ANKLE2: variants seen among roughly 807,000 people sequenced by gnomAD.
ANKLE2 encodes the protein ankyrin repeat and LEM domain-containing protein 2.
Under a neutral mutation model 84.2 loss-of-function variants are expected in ANKLE2, and 55 were observed. The ratio of observed to expected loss-of-function variants is 0.65; its 90% CI spans 0.53 to 0.82. The LOEUF (loss-of-function observed/expected upper bound fraction) is 0.82. Among genes scored for constraint, ANKLE2 ranks in the 40% least tolerant of loss-of-function variants. ANKLE2 has a pLI of 0.00. For synonymous variants in ANKLE2, 551 were observed against 486.1 expected (o/e 1.13, Z -1.76); for missense variants, 1,238 against 1,201.9 (o/e 1.03, Z -0.44).
intron 1 of ANKLE2, chr12:132,760,095 C>T (rs1593190711): frequency 6.9e-6 from 1 of 144,152 alleles, no homozygotes; most frequent in Admixed American, 7.1e-5. Context: ...GATCGCGCCA[C>T]TGCACTCCAG....
chr12:132,743,290 C>A lies in ANKLE2; in HGVS notation c.1231-14G>T. 6.3e-7 allele frequency: 1 copy of A among 1,585,516 alleles called. No individual in the cohort carries two copies. The highest frequency in any genetic ancestry group is 1.2e-5 in the South Asian group (1 of 85,678). ...TGTGTCATAGCCCTGAAAAAAGGTG[C>A]AGAGGAAGTACAATTATTCACACTT... On this transcript the variant is annotated splice_polypyrimidine_tract_variant and intron_variant, in intron 5 of 12. Coordinates refer to ENST00000357997, the MANE Select transcript of ANKLE2 (RefSeq NM_015114.3). This position sits in a 1 kb window ranked among gnomAD's most constrained non-coding sequence, Gnocchi z 4.1.
intron 1 of ANKLE2, 107 bp downstream of exon 1, chr12:132,761,511 C>T: frequency 1.0e-6 from 1 of 993,460 alleles, no homozygotes; most frequent in Non-Finnish European, 1.3e-6. Flanking sequence ...CCGCCTCGCC[C>T]AACTGCTGCC....
chr12:132,748,860 CAT>C (rs767404623), intron 3 of ANKLE2: 57,211 of 144,896 alleles, frequency 0.39, 11,360 homozygotes, highest in African/African-American at 0.46. Context: ...GGCTTATATA[CAT>C]ATATATATAT....
rs747979590 is a variant in ANKLE2 at position 132,728,088 on chromosome 12, C to T, written c.2559G>A (p.Pro853=). 22 of 1,612,782 alleles carry T rather than the reference C, an allele frequency of 1.4e-5. No individual in the cohort carries two copies. The Admixed American group carries it at 1.8e-4, about 13-fold the overall frequency. Residue 853 remains proline (P), a synonymous_variant, in exon 12 of 13, where the codon CCG becomes CCA. Transcript: ENST00000357997. ...CAGCACTCTTCCATCTGTGCACGGC[C>T]GGGAACTGATGGGGGTCGACGTCTG... ...ECADVDPHQF[P]AVHRWKSAVL...
chr12:132,761,580 G>C (rs2044626574), intron 1 of ANKLE2, 38 bp downstream of exon 1: 1 of 1,208,414 alleles, frequency 8.3e-7, no homozygotes, highest in South Asian at 4.1e-5. Flanking sequence ...CGGGGAAGGG[G>C]CCAGGGTGCG....
intron 5 of ANKLE2, among the ~76,000 whole-genome samples, chr12:132,746,134 G>T (rs1056521072): frequency 6.6e-6 from 1 of 152,148 alleles, no homozygotes; most frequent in Non-Finnish European, 1.5e-5. Context: ...CGATCACGAG[G>T]TCAGGAGATG....
At chr12:132,752,144 C>A (rs1308003418) in intron 2 of ANKLE2, among the ~76,000 whole-genome samples, 1 of 150,970 alleles carries the variant, frequency 6.6e-6, no homozygotes, top group Non-Finnish European at 1.5e-5. Flanking sequence ...AGTTTGAGAC[C>A]AGCCTGACCA....
At chr12:132,746,225 T>G in intron 5 of ANKLE2, among the ~76,000 whole-genome samples, 1 of 151,980 alleles carries the variant, frequency 6.6e-6, no homozygotes, top group Non-Finnish European at 1.5e-5. Context: ...GGCGGGTGCC[T>G]GTAGTCCCAG....
At chr12:132,741,859 T>C (rs1260644038) in intron 6 of ANKLE2, 7 of 465,534 alleles carry the variant, frequency 1.5e-5, no homozygotes, top group South Asian at 1.1e-4. Context: ...ATACACAAAC[T>C]TTTTGTTGTG....
At chr12:132,741,279 T>G (rs908774773) in intron 7 of ANKLE2, 140 bp downstream of exon 7, 1 of 759,140 alleles carries the variant, frequency 1.3e-6, no homozygotes, top group Non-Finnish European at 2.2e-6. Flanking sequence ...GAAGAAAGGA[T>G]GATCCCGAGG....
At position 132,730,142 on chromosome 12, in the gene ANKLE2, A is replaced by AC; in HGVS notation, c.2019dup (p.Cys674ValfsTer62). On this transcript the variant is annotated frameshift_variant, in exon 11 of 13. Transcript: ENST00000357997. LOFTEE classifies it high-confidence loss of function. Reference sequence around the variant, plus strand: ...TCCTGCTCCAAGGGGAAGGCGCTGCACCTCGTATGTCCAAAAGCACCGACT... The same window carrying AC: ...TCCTGCTCCAAGGGGAAGGCGCTGCACCCTCGTATGTCCAAAAGCACCGACT... 6.2e-7 allele frequency: 1 copy of AC among 1,612,194 alleles called. No homozygotes were observed. Among genetic ancestry groups the AC allele is most frequent in the South Asian group, 1.1e-5 (1 of 91,074 alleles).
Position 132,754,696 on chromosome 12 carries a change from C to T in ANKLE2, c.619G>A (p.Glu207Lys). Residue 207 changes from glutamate to lysine, a missense_variant, in exon 2 of 13, where the codon GAG (glutamate) becomes AAG (lysine). By Grantham distance (56) the Glu-to-Lys change is moderately conservative. Around this residue, in one of 3 missense-constraint regions of ANKLE2, gnomAD observed 422 missense variants for 394.5 expected, o/e 1.07. Coordinates refer to ENST00000357997, the MANE Select transcript of ANKLE2 (RefSeq NM_015114.3). ...TTACCATTTCTCGCTGGGACGTCCT[C>T]ATACACTGGACACACCCCATAGTAC... ...PLYYGVCPVY[E>K]DVPARNERIY... The T allele has an allele frequency of 1.9e-6, 3 of 1,609,772 alleles. No homozygotes were observed. The highest frequency in any genetic ancestry group is 1.7e-4 in the Middle Eastern group (1 of 6,010).
intron 7 of ANKLE2, among the ~76,000 whole-genome samples, chr12:132,739,619 G>A (rs2044082266): frequency 6.6e-6 from 1 of 152,160 alleles, no homozygotes; most frequent in Non-Finnish European, 1.5e-5. Flanking sequence ...GGGACTCACG[G>A]TCTCTGGACA....
chr12:132,752,093 C>T (rs2044369780), intron 2 of ANKLE2, among the ~76,000 whole-genome samples: 4 of 152,098 alleles, frequency 2.6e-5, no homozygotes, highest in Admixed American at 2.6e-4. Context: ...GTAATCCCAG[C>T]ACTTTGGGAG....
intron 2 of ANKLE2, among the ~76,000 whole-genome samples, chr12:132,754,188 G>A (rs1258098703): frequency 6.6e-6 from 1 of 152,210 alleles, no homozygotes; most frequent in Non-Finnish European, 1.5e-5. Flanking sequence ...GTTGCAGTGA[G>A]CTGAGATCAC....
At chr12:132,735,289 T>C in intron 9 of ANKLE2, 117 bp downstream of exon 9, 1 of 944,928 alleles carries the variant, frequency 1.1e-6, no homozygotes, top group East Asian at 2.4e-5. Context: ...AAGGACCAAG[T>C]CTCCCAGAAA....
intron 2 of ANKLE2, among the ~76,000 whole-genome samples, chr12:132,752,335 T>G (rs1227529973): frequency 6.6e-6 from 1 of 152,066 alleles, no homozygotes; most frequent in Non-Finnish European, 1.5e-5. Context: ...CGGGACTCTG[T>G]CTCAAATAAT....
intron 11 of ANKLE2, 37 bp from the exon 12 acceptor site, chr12:132,728,200 G>C (rs751987158): frequency 6.2e-7 from 1 of 1,601,106 alleles, no homozygotes; most frequent in East Asian, 2.2e-5. Context: ...AACATCTTTG[G>C]TAAAAACATA....
intron 8 of ANKLE2, among the ~76,000 whole-genome samples, chr12:132,736,414 C>A (rs907269962): frequency 1.3e-5 from 2 of 152,216 alleles, no homozygotes; most frequent in African/African-American, 2.4e-5. Flanking sequence ...TCTCTGAACA[C>A]TGGGGATGAG....
Sources: allele counts gnomAD v4.1 joint callset (sites outside exome capture counted in the v4.1 genomes callset), GRCh38; gene constraint gnomAD v4.1.1; regional missense constraint gnomAD v4.1.1; non-coding constraint Gnocchi (gnomAD v3.1); transcripts MANE v1.5; gene names NCBI Gene and HGNC (gene_info 2026-07-23, HGNC 2026-07-21).